JADE2: variants seen among roughly 807,000 people sequenced by gnomAD.
JADE2 encodes the protein jade family PHD finger 2.
In JADE2, 13 loss-of-function variants were observed where a neutral mutation model predicts 85.7. The ratio of observed to expected loss-of-function variants is 0.15; its 90% CI spans 0.10 to 0.24. The LOEUF is 0.24. Ranked by LOEUF, JADE2 falls within the 10% of genes least tolerant of loss-of-function variation. The probability of loss-of-function intolerance (pLI) is 1.00; values close to 1 mark genes in which losing one functional copy is unlikely to be tolerated. For missense variants in JADE2, 846 were observed against 1,115.9 expected (o/e 0.76, Z 3.45); for synonymous variants, 440 against 456.1 (o/e 0.96, Z 0.45).
At chr5:134,553,648 G>A (rs1210423539) in intron 4 of JADE2, among the ~76,000 whole-genome samples, 2 of 152,214 alleles carry the variant, frequency 1.3e-5, no homozygotes, top group Admixed American at 1.3e-4. Context: ...CACTGCGCCC[G>A]GCCGTAAGCC....
intron 1 of JADE2, chr5:134,526,664 C>A: frequency 2.0e-6 from 2 of 985,382 alleles, no homozygotes; most frequent in Non-Finnish European, 2.4e-6. Context: ...TGCACGCGGG[C>A]GCTGCACGCG....
chr5:134,533,263 A>C (rs540927871), intron 1 of JADE2, among the ~76,000 whole-genome samples: 70 of 152,318 alleles, frequency 4.6e-4, no homozygotes, highest in Non-Finnish European at 9.1e-4. Flanking sequence ...CACTGTGCTG[A>C]GGGCTTTACA....
At chr5:134,561,024 A>T in intron 6 of JADE2, 67 bp downstream of exon 6, 1 of 1,407,418 alleles carries the variant, frequency 7.1e-7, no homozygotes, top group Non-Finnish European at 9.9e-7. Flanking sequence ...AGCGACCCCC[A>T]CTTGGCTCTC....
chr5:134,576,055 C>T (rs768795281), intron 10 of JADE2, among the ~76,000 whole-genome samples: 9 of 152,062 alleles, frequency 5.9e-5, no homozygotes, highest in Non-Finnish European at 8.8e-5. Flanking sequence ...GAAAATTAGC[C>T]GGGTGTGGTG....
intron 1 of JADE2, among the ~76,000 whole-genome samples, chr5:134,531,913 T>TTTTTTTG (rs1761270482): frequency 1.7e-5 from 2 of 120,182 alleles, no homozygotes; most frequent in Admixed American, 8.7e-5. Context: ...TTTTTTTTTT[T>TTTTTTTG]GAGACAGGGT....
chr5:134,572,683 A>G (rs1764108686), intron 9 of JADE2, among the ~76,000 whole-genome samples: 2 of 152,314 alleles, frequency 1.3e-5, no homozygotes, highest in Admixed American at 1.3e-4. Context: ...GTCTCAAGGG[A>G]GGGGGCTTGG....
chr5:134,526,400 C>G (rs1760821849), intron 1 of JADE2: 2 of 985,178 alleles, frequency 2.0e-6, no homozygotes, highest in Middle Eastern at 5.2e-4. Context: ...GGGCTCCGGC[C>G]GGGCGTAGGG....
At chr5:134,552,825 A>G (rs868476106) in intron 4 of JADE2, among the ~76,000 whole-genome samples, 2 of 151,462 alleles carry the variant, frequency 1.3e-5, no homozygotes. Context: ...GGCTCATGCC[A>G]CCACGCCTAG....
In JADE2 at chr5:134,578,941, T is replaced by C. The variant is rs757313760; in HGVS notation, c.2129T>C (p.Ile710Thr). The stretch of plus-strand genomic sequence containing the variant: ...AGCCCTGCAGCCGGGGACTGTCCCA[T>C]CCTAGCCACCCCTGAAAGCCCCCCG... ...PSSPAAGDCP[I>T]LATPESPPPL... The change falls in exon 12 of 12, where the codon ATC becomes ACC. Residue 710 changes from isoleucine (I) to threonine (T), a missense_variant. Physicochemically the swap from Ile to Thr is moderately conservative, Grantham distance 89. Coordinates refer to ENST00000681547, the MANE Select transcript of JADE2 (RefSeq NM_001388185.1). This position sits in a 1 kb window ranked among gnomAD's most constrained non-coding sequence, Gnocchi z 4.4. 1.9e-5 allele frequency: 30 copies of C among 1,613,250 alleles called. No individual in the cohort carries two copies. Among genetic ancestry groups the C allele is most frequent in the Non-Finnish European group, 2.5e-5 (29 of 1,179,910 alleles).
rs1764397413 is a variant in JADE2, at chr5:134,576,835, G to A, written c.1620G>A (p.Lys540=). Residue 540 remains lysine (K), a synonymous_variant, in exon 11 of 12, where the codon AAG becomes AAA. Transcript: ENST00000681547. ...AGAGGAAGGGCTGCGAGGGCTCCAAGGGCAGCACTGAGAAGAAAGAGAAAG... is the reference window on the plus strand; with the variant it reads ...AGAGGAAGGGCTGCGAGGGCTCCAAAGGCAGCACTGAGAAGAAAGAGAAAG... ...DSKRKGCEGS[K]GSTEKKEKVK... is the part of the protein sequence containing the mutation. 2 of 1,550,588 alleles carry A rather than the reference G, an allele frequency of 1.3e-6. No homozygotes were observed. Among genetic ancestry groups the A allele is most frequent in the Non-Finnish European group, 1.7e-6 (2 of 1,146,946 alleles).
chr5:134,547,805 C>T (rs542993720), intron 3 of JADE2, among the ~76,000 whole-genome samples: 1 of 152,286 alleles, frequency 6.6e-6, no homozygotes, highest in South Asian at 2.1e-4. Flanking sequence ...TGTGCCAGAC[C>T]CTGCTTGCAC....
At chr5:134,531,883 C>CCTT (rs1761262193) in intron 1 of JADE2, among the ~76,000 whole-genome samples, 1 of 38,478 alleles carries the variant, frequency 2.6e-5, no homozygotes, top group South Asian at 1.1e-3. Context: ...CCGTGCCTGG[C>CCTT]TTTTTTTTTT....
At chr5:134,526,210 A>G (rs1477245146) in intron 1 of JADE2, 199 bp downstream of exon 1, 2 of 985,320 alleles carry the variant, frequency 2.0e-6, no homozygotes, top group Non-Finnish European at 2.4e-6. Context: ...GAGATTGCGC[A>G]TGTTGGTCAG....
At chr5:134,568,189 C>T (rs976370430) in intron 9 of JADE2, among the ~76,000 whole-genome samples, 1 of 152,148 alleles carries the variant, frequency 6.6e-6, no homozygotes, top group African/African-American at 2.4e-5. Flanking sequence ...TAGTCATCAT[C>T]CTGGAAAAAG....
rs1764661013 is a variant in JADE2, at chr5:134,580,523, C to T, written c.*1206C>T. The T allele has an allele frequency of 6.7e-6, 1 of 148,584 alleles. No individual in the cohort carries two copies. Among genetic ancestry groups the T allele is most frequent in the African/African-American group, 2.5e-5 (1 of 40,274 alleles). 9.2% of individuals were successfully genotyped at this position (148,584 alleles called of 1,614,324 possible). A position where few individuals can be genotyped will look rare whatever the true frequency, so the allele number is the denominator to read the frequency against. On this transcript the variant is annotated 3_prime_UTR_variant, in exon 12 of 12. Transcript: ENST00000681547. ...CTCTGAAGAGTTTCAGTAGAGTGGCCCCAGGGTGATAGCTCAGGGAACAAC... is the reference window on the plus strand; with the variant it reads ...CTCTGAAGAGTTTCAGTAGAGTGGCTCCAGGGTGATAGCTCAGGGAACAAC...
intron 2 of JADE2, among the ~76,000 whole-genome samples, chr5:134,537,536 C>T (rs1761671179): frequency 1.3e-5 from 2 of 152,198 alleles, no homozygotes; most frequent in South Asian, 4.1e-4. Context: ...TGGGTCAGGG[C>T]TCTGCTGATG....
chr5:134,525,946 C>G lies in JADE2; in HGVS notation c.-66C>G, dbSNP rs1024747545. The G allele has an allele frequency of 8.1e-6, 8 of 985,958 alleles. No homozygotes were observed. The highest frequency in any genetic ancestry group is 1.7e-5 in the African/African-American group (1 of 57,204). 61.1% of individuals were successfully genotyped at this position (985,958 alleles called of 1,614,324 possible). On this transcript the variant is annotated 5_prime_UTR_variant, in exon 1 of 12. Coordinates refer to ENST00000681547, the MANE Select transcript of JADE2 (RefSeq NM_001388185.1). ...CTCCCGGCTTCGGGAGCATCCTTCCCGCGCCGGTCCCTGCAGCGGCGCGTA... is the reference window on the plus strand; with the variant it reads ...CTCCCGGCTTCGGGAGCATCCTTCCGGCGCCGGTCCCTGCAGCGGCGCGTA...
intron 8 of JADE2, among the ~76,000 whole-genome samples, chr5:134,565,643 G>A (rs1763595178): frequency 6.6e-6 from 1 of 152,090 alleles, no homozygotes; most frequent in Non-Finnish European, 1.5e-5. Context: ...TCAGGAGTTC[G>A]AGACCAGCCT....
rs141955275 is a variant in JADE2, at chr5:134,578,069, C to T, written c.1682-425C>T. On this transcript the variant is annotated intron_variant, in intron 11 of 11. Coordinates refer to ENST00000681547, the MANE Select transcript of JADE2 (RefSeq NM_001388185.1). The surrounding 1 kb of genome is among the most constrained non-coding windows in gnomAD (Gnocchi z 4.4). ...TTCGTGGGTAGCAACCTGTGCAGTGCCACGGGGTCCTTGTTCTTGGTTAAT... is the reference window on the plus strand; with the variant it reads ...TTCGTGGGTAGCAACCTGTGCAGTGTCACGGGGTCCTTGTTCTTGGTTAAT... 6.6e-6 allele frequency among the ~76,000 whole-genome samples: 1 copy of T among 152,200 alleles called. No homozygotes were observed. The highest frequency in any genetic ancestry group is 2.4e-5 in the African/African-American group (1 of 41,460).
Sources: allele counts gnomAD v4.1 joint callset (sites outside exome capture counted in the v4.1 genomes callset), GRCh38; gene constraint gnomAD v4.1.1; non-coding constraint Gnocchi (gnomAD v3.1); transcripts MANE v1.5; gene names NCBI Gene and HGNC (gene_info 2026-07-23, HGNC 2026-07-21).